The following ADA2 variants were observed in gnomAD, a reference collection of about 807,000 sequenced individuals.
ADA2 encodes the protein adenosine deaminase 2, also known as adenosine deaminase CECR1.
ADA2 carries 29 observed loss-of-function variants against 44.2 expected under a neutral mutation model. That is an observed-to-expected ratio of 0.66 (90% CI 0.49 to 0.89). ADA2 has a LOEUF of 0.89. ADA2 is among the 40% of genes least tolerant of loss of function. The pLI is 0.00. For missense variants in ADA2, 637 were observed against 644.8 expected (o/e 0.99, Z 0.13); for synonymous variants, 215 against 234.9 (o/e 0.92, Z 0.77).
At chr22:17,218,482 A>C (rs1307339409) in intron 1 of ADA2, among the ~76,000 whole-genome samples, 1 of 152,004 alleles carries the variant, frequency 6.6e-6, no homozygotes, top group African/African-American at 2.4e-5. Context: ...TGCTACTAAA[A>C]TCTCTAGGGC....
At chr22:17,199,416 T>TCCTCCCTCCCCTCCTCTATCCGCTTCC in intron 4 of ADA2, 1 of 429,654 alleles carries the variant, frequency 2.3e-6, no homozygotes, top group East Asian at 3.9e-5. Flanking sequence ...TCTCAGCGTC[T>TCCTCCCTCCCCTCCTCTATCCGCTTCC]CCTCCCTCCC....
upstream of ADA2, chr22:17,219,437 T>C (rs1433590180): frequency 3.9e-5 from 6 of 152,142 alleles, no homozygotes; most frequent in African/African-American, 1.4e-4. Flanking sequence ...TCACCAACTG[T>C]TTCACTTCCT....
chr22:17,188,192 T>C (rs1357310551), intron 7 of ADA2, 147 bp downstream of exon 7: 1 of 542,226 alleles, frequency 1.8e-6, no homozygotes, highest in African/African-American at 1.9e-5. Context: ...TCCTTCTCCA[T>C]GGGGCTGTTG....
chr22:17,185,007 T>TATATATATATATATATATATATATATA (rs1568969005), intron 7 of ADA2, among the ~76,000 whole-genome samples: 3 of 136,558 alleles, frequency 2.2e-5, no homozygotes, highest in Non-Finnish European at 3.2e-5. Context: ...TATATATATA[T>TATATATATATATATATATATATATATA]GAAAACTCCA....
chr22:17,198,248 C>A (rs1057139106), intron 4 of ADA2, among the ~76,000 whole-genome samples: 3 of 152,096 alleles, frequency 2.0e-5, no homozygotes, highest in African/African-American at 7.2e-5. Context: ...AGGAAAAATG[C>A]CTGTGTCCCA....
intron 1 of ADA2, among the ~76,000 whole-genome samples, chr22:17,217,601 C>T (rs2123737008): frequency 6.6e-6 from 1 of 152,268 alleles, no homozygotes; most frequent in Middle Eastern, 3.4e-3. Flanking sequence ...GGGCAGATCA[C>T]TGGTGCCCAG....
At chr22:17,186,614 A>C (rs2062038929) in intron 7 of ADA2, among the ~76,000 whole-genome samples, 2 of 150,944 alleles carry the variant, frequency 1.3e-5, no homozygotes, top group South Asian at 4.2e-4. Flanking sequence ...CAAGCCTGTA[A>C]TCCCAGCATT....
At chr22:17,182,832 G>A in intron 7 of ADA2, 71 bp from the exon 8 acceptor site, 2 of 1,542,936 alleles carry the variant, frequency 1.3e-6, no homozygotes, top group Non-Finnish European at 1.8e-6. Flanking sequence ...GGATGGGTCT[G>A]ACCCACCCGC....
chr22:17,218,901 G>A (rs1244851933), intron 1 of ADA2, among the ~76,000 whole-genome samples: 19 of 152,164 alleles, frequency 1.2e-4, no homozygotes, highest in Non-Finnish European at 7.3e-5. Context: ...CTCTGCCTGT[G>A]ATCCCAGCCC....
chr22:17,210,336 A>G (rs188645494), intron 1 of ADA2, among the ~76,000 whole-genome samples: 18 of 151,416 alleles, frequency 1.2e-4, no homozygotes, highest in Non-Finnish European at 1.8e-4. Context: ...GATTACAGGC[A>G]TGCATCACCA....
intron 8 of ADA2, 56 bp from the exon 9 acceptor site, chr22:17,182,078 C>A: frequency 7.0e-7 from 1 of 1,428,238 alleles, no homozygotes; most frequent in South Asian, 1.2e-5. Context: ...AAAGAGTAGT[C>A]ACAAGTGAGG....
In ADA2 at chr22:17,201,995, G is replaced by A. The variant is rs141225750; in HGVS notation, c.753+1568C>T. ...TTTTTTTTTTTTTTTTTTTTGAGAC[G>A]GAGTCTCGCTCTGTCATCCAGGCTG... On this transcript the variant is annotated intron_variant, in intron 4 of 9. Transcript: ENST00000399837. 1.0e-3 allele frequency among the ~76,000 whole-genome samples: 124 copies of A among 119,650 alleles called. 1 individual carries two copies. The highest frequency in any genetic ancestry group is 5.5e-3 in the East Asian group (24 of 4,332). 78.5% of individuals were successfully genotyped at this position (119,650 alleles called of 152,430 possible). A position where few individuals can be genotyped will look rare whatever the true frequency, so the allele number is the denominator to read the frequency against.
chr22:17,182,937 A>G (rs1180208384), intron 7 of ADA2, among the ~76,000 whole-genome samples, 176 bp from the exon 8 acceptor site: 1 of 152,096 alleles, frequency 6.6e-6, no homozygotes, highest in Admixed American at 6.6e-5. Flanking sequence ...CCTTTTAACA[A>G]TGCTAAAGAG....
intron 4 of ADA2, among the ~76,000 whole-genome samples, chr22:17,200,838 T>A (rs1013866908): frequency 6.8e-6 from 1 of 148,064 alleles, no homozygotes; most frequent in Non-Finnish European, 1.5e-5. Context: ...ACCAAGATGG[T>A]GCCATTGCAC....
intron 1 of ADA2, among the ~76,000 whole-genome samples, chr22:17,210,998 C>T (rs1005703697): frequency 6.6e-6 from 1 of 152,166 alleles, no homozygotes; most frequent in African/African-American, 2.4e-5. Context: ...GAGCTTTGAC[C>T]TCACCACTGC....
At chr22:17,182,885 T>G in intron 7 of ADA2, 124 bp from the exon 8 acceptor site, 3 of 872,726 alleles carry the variant, frequency 3.4e-6, no homozygotes, top group Non-Finnish European at 5.1e-6. Flanking sequence ...AGCACAAAAA[T>G]GAAGAGAAAT....
intron 1 of ADA2, chr22:17,213,512 G>A: frequency 3.8e-6 from 1 of 263,922 alleles, no homozygotes; most frequent in Admixed American, 5.0e-5. Context: ...GGAGTGTCGT[G>A]GATGCCTACG....
At chr22:17,195,279 G>C (rs1221419770) in intron 4 of ADA2, among the ~76,000 whole-genome samples, 1 of 152,174 alleles carries the variant, frequency 6.6e-6, no homozygotes, top group African/African-American at 2.4e-5. Flanking sequence ...AGCACTTTGG[G>C]AGGCGGAGGC....
rs183771202 is a variant in ADA2, at chr22:17,204,489, C to A, written c.543-716G>T. Among the ~76,000 whole-genome samples the A allele has an allele frequency of 8.5e-5, 13 of 152,178 alleles. No homozygotes were observed. In the East Asian group the frequency reaches 2.5e-3, roughly 29 times the overall value. Reference sequence around the variant, plus strand: ...AAATCAGCCAGGCGTGGTGGTTTGTCCCTGTAATCCCAGTTACTAGGGAGG... The same window carrying A: ...AAATCAGCCAGGCGTGGTGGTTTGTACCTGTAATCCCAGTTACTAGGGAGG... On this transcript the variant is annotated intron_variant, in intron 3 of 9. Coordinates refer to ENST00000399837, the MANE Select transcript of ADA2 (RefSeq NM_001282225.2).
Sources: gnomAD v4.1 joint callset for allele counts (sites outside exome capture counted in the v4.1 genomes callset) on GRCh38, gnomAD v4.1.1 for gene constraint, MANE v1.5 for transcripts, NCBI Gene and HGNC (gene_info 2026-07-23, HGNC 2026-07-21) for gene names.